Variants in ZNF385B observed in about 807,000 individuals in gnomAD.
ZNF385B encodes zinc finger protein 533.
A neutral mutation model predicts 39.2 loss-of-function variants in ZNF385B; 23 were observed. The ratio of observed to expected loss-of-function variants is 0.59; its 90% CI spans 0.42 to 0.83. The LOEUF (loss-of-function observed/expected upper bound fraction) is 0.83. Among genes scored for constraint, ZNF385B ranks in the 40% least tolerant of loss-of-function variants. The probability of loss-of-function intolerance (pLI) is 0.00; values close to 1 mark genes in which losing one functional copy is unlikely to be tolerated. For synonymous variants in ZNF385B, 205 were observed against 222.6 expected, an observed-to-expected ratio of 0.92 and a Z score of 0.70; for missense variants, 552 against 598.9, an observed-to-expected ratio of 0.92 and a Z score of 0.82.
intron 3 of ZNF385B, among the ~76,000 whole-genome samples, chr2:179,667,738 C>T: frequency 6.7e-6 from 1 of 148,956 alleles, no homozygotes; most frequent in South Asian, 2.1e-4. Flanking sequence ...AAGGAAAGGT[C>T]CCTAGAGAGA....
intron 3 of ZNF385B, among the ~76,000 whole-genome samples, chr2:179,641,299 C>T (rs1692247615): frequency 6.6e-6 from 1 of 152,116 alleles, no homozygotes; most frequent in African/African-American, 2.4e-5. Flanking sequence ...ATTGCCACTT[C>T]AATGTCACCC....
intron 3 of ZNF385B, among the ~76,000 whole-genome samples, chr2:179,621,116 C>A (rs1690174534): frequency 6.6e-6 from 1 of 151,212 alleles, no homozygotes; most frequent in African/African-American, 2.4e-5. Flanking sequence ...CTGAGAAGAC[C>A]AAGAAATCAT....
chr2:179,566,454 T>C (rs1473309356), intron 3 of ZNF385B, among the ~76,000 whole-genome samples: 1 of 152,234 alleles, frequency 6.6e-6, no homozygotes, highest in South Asian at 2.1e-4. Flanking sequence ...TCAGTCTTCC[T>C]TGCAAAACAT....
intron 3 of ZNF385B, among the ~76,000 whole-genome samples, chr2:179,683,789 T>C (rs1272892842): frequency 6.6e-6 from 1 of 152,182 alleles, no homozygotes; most frequent in Non-Finnish European, 1.5e-5. Flanking sequence ...AAATGTTTTA[T>C]AACAACAAAA....
chr2:179,530,809 T>G (rs539200505), intron 4 of ZNF385B, among the ~76,000 whole-genome samples: 1 of 152,344 alleles, frequency 6.6e-6, no homozygotes, highest in South Asian at 2.1e-4. Flanking sequence ...ATATGACAAT[T>G]GAGCACTAGT....
chr2:179,758,298 G>C (rs780830661), intron 3 of ZNF385B, among the ~76,000 whole-genome samples: 41 of 152,160 alleles, frequency 2.7e-4, no homozygotes, highest in Non-Finnish European at 5.4e-4. Flanking sequence ...AGAAGTCCAA[G>C]ATCAAGGTAT....
intron 1 of ZNF385B, among the ~76,000 whole-genome samples, chr2:179,859,162 A>T (rs1290430174): frequency 6.6e-6 from 1 of 152,204 alleles, no homozygotes; most frequent in East Asian, 1.9e-4. Context: ...GTTATCTTCC[A>T]GCTGCTGACA....
intron 3 of ZNF385B, among the ~76,000 whole-genome samples, chr2:179,566,177 T>C (rs1684552554): frequency 1.3e-5 from 2 of 152,194 alleles, no homozygotes; most frequent in African/African-American, 2.4e-5. Flanking sequence ...CTTCAAAGAG[T>C]ACATGGATTA....
intron 3 of ZNF385B, among the ~76,000 whole-genome samples, chr2:179,726,042 T>C (rs1700998912): frequency 6.6e-6 from 1 of 151,896 alleles, no homozygotes. Flanking sequence ...TCATAGCTTC[T>C]GCATATCTCC....
At chr2:179,731,435 G>T (rs546572320) in intron 3 of ZNF385B, among the ~76,000 whole-genome samples, 92 of 152,258 alleles carry the variant, frequency 6.0e-4, no homozygotes, top group African/African-American at 2.2e-3. Flanking sequence ...ACTCGTAACT[G>T]TTTCTTCACA....
intron 3 of ZNF385B, 134 bp from the exon 4 acceptor site, chr2:179,545,103 C>G: frequency 9.9e-7 from 1 of 1,008,254 alleles, no homozygotes. Flanking sequence ...AAGCAAATGG[C>G]ACAGGAGTAG....
intron 1 of ZNF385B, among the ~76,000 whole-genome samples, chr2:179,790,827 A>G (rs1412773419): frequency 6.6e-6 from 1 of 152,150 alleles, no homozygotes; most frequent in African/African-American, 2.4e-5. Context: ...GACCTCTAAA[A>G]TTCCTCCCTG....
At chr2:179,716,940 C>CATAT (rs1217135625) in intron 3 of ZNF385B, among the ~76,000 whole-genome samples, 4 of 151,814 alleles carry the variant, frequency 2.6e-5, no homozygotes, top group Admixed American at 6.6e-5. Context: ...TACCTATAAC[C>CATAT]ATATGTCAGC....
chr2:179,504,194 A>C (rs1236006143), intron 5 of ZNF385B, among the ~76,000 whole-genome samples: 1 of 151,810 alleles, frequency 6.6e-6, no homozygotes, highest in Non-Finnish European at 1.5e-5. Flanking sequence ...TGTCCCTACA[A>C]AGGACATGAA....
intron 3 of ZNF385B, among the ~76,000 whole-genome samples, chr2:179,761,598 A>G (rs1703391446): frequency 6.8e-6 from 1 of 147,064 alleles, no homozygotes; most frequent in Admixed American, 6.8e-5. Context: ...TTTTTTTTTG[A>G]GACAGGTTCT....
chr2:179,594,800 T>TTC (rs1314179937), intron 3 of ZNF385B, among the ~76,000 whole-genome samples: 1 of 151,408 alleles, frequency 6.6e-6, no homozygotes, highest in East Asian at 1.9e-4. Flanking sequence ...GTAAACTCTT[T>TTC]TTTTTTTTTT....
intron 1 of ZNF385B, among the ~76,000 whole-genome samples, chr2:179,774,484 C>T (rs981079438): frequency 5.9e-5 from 9 of 152,090 alleles, no homozygotes; most frequent in African/African-American, 2.2e-4. Flanking sequence ...CCTCAGCCTC[C>T]TGAGTAACTG....
chr2:179,760,621 T>C (rs563323805), intron 3 of ZNF385B, among the ~76,000 whole-genome samples: 3 of 152,252 alleles, frequency 2.0e-5, no homozygotes, highest in African/African-American at 7.2e-5. Flanking sequence ...AGTGCTATCT[T>C]TTTTACAAAA....
At chr2:179,569,637 C>T (rs892922496) in intron 3 of ZNF385B, among the ~76,000 whole-genome samples, 1 of 152,140 alleles carries the variant, frequency 6.6e-6, no homozygotes, top group East Asian at 1.9e-4. Flanking sequence ...TTTGTTTTGA[C>T]AGGTTAGAAC....
Sources: allele counts gnomAD v4.1 joint callset (sites outside exome capture counted in the v4.1 genomes callset), GRCh38; gene constraint gnomAD v4.1.1; transcripts MANE v1.5; gene names NCBI Gene and HGNC (gene_info 2026-07-23, HGNC 2026-07-21).